Variants in CNTNAP2 observed in about 807,000 individuals in gnomAD.
CNTNAP2 encodes the protein contactin associated protein 2.
Under a neutral mutation model 155.2 loss-of-function variants are expected in CNTNAP2, and 98 were observed. The observed-to-expected ratio is 0.63, with a 90% CI of 0.54 to 0.75. CNTNAP2 has a LOEUF of 0.75. Ranked by LOEUF, CNTNAP2 falls within the 30% of genes least tolerant of loss-of-function variation. CNTNAP2 has a pLI of 0.00. For missense variants in CNTNAP2, 1,727 were observed against 1,688.1 expected, an observed-to-expected ratio of 1.02 and a Z score of -0.40; for synonymous variants, 651 against 631.2, an observed-to-expected ratio of 1.03 and a Z score of -0.47.
chr7:148,117,326 G>C (rs1195989372), intron 15 of CNTNAP2, among the ~76,000 whole-genome samples: 1 of 152,206 alleles, frequency 6.6e-6, no homozygotes, highest in East Asian at 1.9e-4. Flanking sequence ...CAGTCCCCAG[G>C]AGGAAGTAGG....
At chr7:146,422,017 T>A (rs111412390) in intron 1 of CNTNAP2, among the ~76,000 whole-genome samples, 1 of 151,922 alleles carries the variant, frequency 6.6e-6, no homozygotes, top group Non-Finnish European at 1.5e-5. Context: ...ACAAAAGTGA[T>A]ACCAGTGCAT....
chr7:147,562,374 A>G, intron 12 of CNTNAP2, 117 bp downstream of exon 12: 1 of 1,280,976 alleles, frequency 7.8e-7, no homozygotes, highest in Non-Finnish European at 1.1e-6. Flanking sequence ...CTAATCAGCA[A>G]CATATTGCTG....
At chr7:148,238,445 A>C (rs1585208885) in intron 20 of CNTNAP2, among the ~76,000 whole-genome samples, 1 of 152,324 alleles carries the variant, frequency 6.6e-6, no homozygotes, top group East Asian at 1.9e-4. Flanking sequence ...TTCCCCACTT[A>C]GTTTGCTCTT....
chr7:146,721,776 T>TCTATATATAGTCTACATATGTAGA (rs1801329698), intron 1 of CNTNAP2, among the ~76,000 whole-genome samples: 1 of 123,588 alleles, frequency 8.1e-6, no homozygotes, highest in Non-Finnish European at 1.6e-5. Context: ...ACATATATAT[T>TCTATATATAGTCTACATATGTAGA]CTATATATAG....
chr7:147,306,555 G>T (rs1040315261), intron 9 of CNTNAP2, among the ~76,000 whole-genome samples: 26 of 152,148 alleles, frequency 1.7e-4, no homozygotes, highest in Non-Finnish European at 2.4e-4. Flanking sequence ...GGAAAGCTTT[G>T]TGTAAAAAAA....
At chr7:147,867,991 C>G (rs1015940778) in intron 13 of CNTNAP2, among the ~76,000 whole-genome samples, 4 of 152,132 alleles carry the variant, frequency 2.6e-5, no homozygotes, top group African/African-American at 7.2e-5. Flanking sequence ...TGTTCTGTTG[C>G]TGGCAAGGAG....
rs909601772 is a variant in CNTNAP2, at chr7:146,143,073, T to C, written c.97+26100T>C. 1.2e-4 allele frequency among the ~76,000 whole-genome samples: 18 copies of C among 152,240 alleles called. No individual in the cohort carries two copies. The East Asian group carries it at 3.5e-3, about 29-fold the overall frequency. On this transcript the variant is annotated intron_variant, in intron 1 of 23. Coordinates refer to ENST00000361727, the MANE Select transcript of CNTNAP2 (RefSeq NM_014141.6). ...AGCCATGAAGTTACAGGATGATGGA[T>C]TGCTAGGCTGCCATTGTTATCTGTG... is the stretch of plus-strand genomic sequence containing the variant.
At chr7:147,738,932 G>A in intron 13 of CNTNAP2, among the ~76,000 whole-genome samples, 1 of 152,116 alleles carries the variant, frequency 6.6e-6, no homozygotes, top group South Asian at 2.1e-4. Context: ...TGGAATTACA[G>A]GTGTGAGCCA....
At chr7:146,422,797 AT>A (rs1796031354) in intron 1 of CNTNAP2, among the ~76,000 whole-genome samples, 1 of 152,146 alleles carries the variant, frequency 6.6e-6, no homozygotes, top group Non-Finnish European at 1.5e-5. Context: ...CAAATGCTTA[AT>A]TTTTAAAGTA....
intron 16 of CNTNAP2, among the ~76,000 whole-genome samples, chr7:148,125,068 T>C (rs916905488): frequency 3.3e-5 from 5 of 152,034 alleles, no homozygotes; most frequent in Non-Finnish European, 5.9e-5. Context: ...GGGTCAAGTC[T>C]CAGATCTCAT....
chr7:148,151,799 G>C (rs1017571768), intron 17 of CNTNAP2, among the ~76,000 whole-genome samples: 2 of 152,156 alleles, frequency 1.3e-5, no homozygotes, highest in East Asian at 3.8e-4. Flanking sequence ...CACATGCAGA[G>C]ATGTCCCTCA....
intron 15 of CNTNAP2, among the ~76,000 whole-genome samples, chr7:148,085,694 CCCTTCCTT>C (rs370800555): frequency 7.3e-5 from 11 of 150,998 alleles, no homozygotes; most frequent in East Asian, 1.9e-4. Context: ...TTTTCTCTTT[CCCTTCCTT>C]CCTTCCTTCC....
chr7:147,378,971 G>A (rs1464553512), intron 9 of CNTNAP2, among the ~76,000 whole-genome samples: 1 of 151,954 alleles, frequency 6.6e-6, no homozygotes, highest in Admixed American at 6.6e-5. Flanking sequence ...TTGAATCATG[G>A]CAGCAGTTCC....
chr7:146,835,336 C>T (rs1315566519), intron 2 of CNTNAP2, among the ~76,000 whole-genome samples: 2 of 152,086 alleles, frequency 1.3e-5, no homozygotes, highest in Non-Finnish European at 2.9e-5. Context: ...ATTAATTGCT[C>T]GTTGACTTGA....
intron 1 of CNTNAP2, among the ~76,000 whole-genome samples, chr7:146,500,383 G>C (rs1256000806): frequency 6.6e-6 from 1 of 152,166 alleles, no homozygotes; most frequent in African/African-American, 2.4e-5. Context: ...TAAAAATTAG[G>C]AGTTTGTATA....
At chr7:146,215,456 C>T (rs888676267) in intron 1 of CNTNAP2, among the ~76,000 whole-genome samples, 1 of 152,050 alleles carries the variant, frequency 6.6e-6, no homozygotes, top group African/African-American at 2.4e-5. Context: ...TCGAAACCAT[C>T]ATAAGCTAAA....
At chr7:148,190,001 C>T (rs1398584508) in intron 18 of CNTNAP2, 1 of 152,216 alleles carries the variant, frequency 6.6e-6, no homozygotes, top group Non-Finnish European at 1.5e-5. Context: ...GCCACAAAAG[C>T]TCTCCTGACA....
chr7:147,739,916 G>A (rs1002831334), intron 13 of CNTNAP2, among the ~76,000 whole-genome samples: 1 of 152,014 alleles, frequency 6.6e-6, no homozygotes, highest in African/African-American at 2.4e-5. Context: ...GAGGCCTGCT[G>A]GGAGCACTGT....
At position 147,676,917 on chromosome 7, in the gene CNTNAP2, A is replaced by G. The variant is rs78282205; in HGVS notation, c.2098+37611A>G. ...ATTTTCTTTATCCATTCACCCATCA[A>G]TGGATACTTAGATTGATTCCATCTC... On this transcript the variant is annotated intron_variant, in intron 13 of 23. Transcript: ENST00000361727. Among the ~76,000 whole-genome samples the G allele has an allele frequency of 8.6e-3, 1,302 of 151,998 alleles. 21 individuals carry two copies. The highest frequency in any genetic ancestry group is 0.03 in the African/African-American group (1,228 of 41,494).
Sources: gnomAD v4.1 joint callset for allele counts (sites outside exome capture counted in the v4.1 genomes callset) on GRCh38, gnomAD v4.1.1 for gene constraint, MANE v1.5 for transcripts, NCBI Gene and HGNC (gene_info 2026-07-23, HGNC 2026-07-21) for gene names.